Variants in SPECC1 observed in about 807,000 individuals in gnomAD.
SPECC1 encodes the protein sperm antigen with calponin homology and coiled-coil domains 1.
SPECC1 carries 62 observed loss-of-function variants against 104.1 expected under a neutral mutation model. That is an observed-to-expected ratio of 0.60 (90% CI 0.49 to 0.74). The LOEUF (loss-of-function observed/expected upper bound fraction) is 0.74. Among genes scored for constraint, SPECC1 ranks in the 30% least tolerant of loss-of-function variants. The probability of loss-of-function intolerance (pLI) is 0.00; values close to 1 mark genes in which losing one functional copy is unlikely to be tolerated. For synonymous variants in SPECC1, 513 were observed against 501.6 expected (o/e 1.02, Z -0.30); for missense variants, 1,306 against 1,310.5 (o/e 1.00, Z 0.05).
chr17:20,270,714 T>G (rs778669705), intron 12 of SPECC1, among the ~76,000 whole-genome samples: 2 of 152,220 alleles, frequency 1.3e-5, no homozygotes, highest in Non-Finnish European at 2.9e-5. Flanking sequence ...TGCCAAATTT[T>G]TGTAAAGTAA....
chr17:20,238,012 G>A (rs897769794), intron 7 of SPECC1: 7 of 1,018,044 alleles, frequency 6.9e-6, no homozygotes, highest in Non-Finnish European at 8.2e-6. Flanking sequence ...AAAGTGCTGG[G>A]ATTACAGGCT....
At chr17:20,163,094 A>G (rs1432880405) in intron 3 of SPECC1, among the ~76,000 whole-genome samples, 15 of 152,246 alleles carry the variant, frequency 9.9e-5, no homozygotes, top group Admixed American at 9.8e-4. Flanking sequence ...TAAAAAATCT[A>G]AGAAGGTCAA....
At chr17:20,226,528 ATTACTC>A (rs1162767307) in intron 4 of SPECC1, among the ~76,000 whole-genome samples, 4 of 152,220 alleles carry the variant, frequency 2.6e-5, no homozygotes, top group Non-Finnish European at 5.9e-5. Context: ...GATAATGCTT[ATTACTC>A]TCTGAGGTAG....
chr17:20,285,030 A>G (rs2040894091), intron 12 of SPECC1, among the ~76,000 whole-genome samples: 1 of 152,160 alleles, frequency 6.6e-6, no homozygotes, highest in African/African-American at 2.4e-5. Context: ...CAGCCACGGA[A>G]TCCAGCTGTG....
At chr17:20,071,624 T>C (rs2046557135) in intron 1 of SPECC1, among the ~76,000 whole-genome samples, 2 of 152,224 alleles carry the variant, frequency 1.3e-5, no homozygotes, top group South Asian at 4.1e-4. Context: ...AGTCTTCTTT[T>C]TTGTCATTCA....
intron 3 of SPECC1, among the ~76,000 whole-genome samples, chr17:20,131,039 A>G (rs1244732119): frequency 6.6e-6 from 1 of 152,222 alleles, no homozygotes; most frequent in Non-Finnish European, 1.5e-5. Context: ...TTGCTAGTAT[A>G]TTGAAATGCA....
chr17:20,226,678 T>C (rs2038227200), intron 4 of SPECC1, among the ~76,000 whole-genome samples: 1 of 152,224 alleles, frequency 6.6e-6, no homozygotes. Context: ...TTTAAAATGT[T>C]TAACAATTAA....
In SPECC1 at chr17:20,240,234, T is replaced by G. The variant is rs1052287910; in HGVS notation, c.2352-5692T>G. Among the ~76,000 whole-genome samples the G allele has an allele frequency of 2.6e-5, 4 of 151,770 alleles. No individual in the cohort carries two copies. In the South Asian group the frequency reaches 8.3e-4, roughly 32 times the overall value. ...GCCCAGCCCTTTCTAAGCACATCTTTGTATGTTTACTAACCACTGCATTTT... is the reference window on the plus strand; with the variant it reads ...GCCCAGCCCTTTCTAAGCACATCTTGGTATGTTTACTAACCACTGCATTTT... On this transcript the variant is annotated intron_variant, in intron 7 of 14. Coordinates refer to ENST00000395527, the MANE Select transcript of SPECC1 (RefSeq NM_001243439.2).
intron 12 of SPECC1, among the ~76,000 whole-genome samples, chr17:20,290,004 T>C (rs1292731173): frequency 6.6e-6 from 1 of 152,164 alleles, no homozygotes; most frequent in Non-Finnish European, 1.5e-5. Flanking sequence ...ATAATAATTC[T>C]TTTTTAAGAT....
In SPECC1 at chr17:20,175,267, C is replaced by T. The variant is rs189298440; in HGVS notation, c.284-29066C>T. ...CACTCATAAGTCATTTGCCCTAAGC[C>T]AGCACAGCACTTCGAATTCAGGCAG... On this transcript the variant is annotated intron_variant, in intron 3 of 14. Coordinates refer to ENST00000395527, the MANE Select transcript of SPECC1 (RefSeq NM_001243439.2). 2.5e-4 allele frequency among the ~76,000 whole-genome samples: 38 copies of T among 152,336 alleles called. 1 individual carries two copies. The East Asian group carries it at 6.9e-3, about 28-fold the overall frequency.
intron 12 of SPECC1, among the ~76,000 whole-genome samples, chr17:20,263,576 TAAG>T (rs1355830131): frequency 2.7e-5 from 4 of 150,848 alleles, no homozygotes; most frequent in African/African-American, 4.9e-5. Flanking sequence ...AAAAAAAGAA[TAAG>T]AAGTCAGAGG....
In SPECC1 at chr17:20,316,257, T is replaced by G. The variant is rs2042039185; in HGVS notation, c.*2192T>G. 8.6e-6 allele frequency: 2 copies of G among 231,612 alleles called. No homozygotes were observed. The highest frequency in any genetic ancestry group is 6.1e-5 in the East Asian group (1 of 16,412). The allele number at this position is 231,612 out of a possible 1,614,324, so 14.3% of individuals were successfully genotyped here. A position where few individuals can be genotyped will look rare whatever the true frequency, so the allele number is the denominator to read the frequency against. The stretch of plus-strand genomic sequence containing the variant: ...CAAGTAGTTGAGTTGAGCTGTTGGT[T>G]GTTAGATTTAAGCTGGAATTAGTCC... On this transcript the variant is annotated 3_prime_UTR_variant, in exon 15 of 15. Transcript: ENST00000395527.
chr17:20,315,562 ATCCT>A lies in SPECC1; in HGVS notation c.*1501_*1504del. ...GTTAGCGCCCCTCCAACAAAGGATC[ATCCT>A]TCCAGTGAGTCACCGAGAATGACAG... On this transcript the variant is annotated 3_prime_UTR_variant, in exon 15 of 15. Coordinates refer to ENST00000395527, the MANE Select transcript of SPECC1 (RefSeq NM_001243439.2). 4.3e-6 allele frequency: 1 copy of A among 232,928 alleles called. No homozygotes were observed. 14.4% of individuals were successfully genotyped at this position (232,928 alleles called of 1,614,324 possible). A position where few individuals can be genotyped will look rare whatever the true frequency, so the allele number is the denominator to read the frequency against.
At chr17:20,094,815 G>T (rs927909062) in intron 1 of SPECC1, among the ~76,000 whole-genome samples, 1 of 152,078 alleles carries the variant, frequency 6.6e-6, no homozygotes, top group East Asian at 1.9e-4. Flanking sequence ...GCCCAGGCTG[G>T]TCTCAAACTC....
chr17:20,168,692 G>C (rs1038937575), intron 3 of SPECC1, among the ~76,000 whole-genome samples: 5 of 152,162 alleles, frequency 3.3e-5, no homozygotes, highest in Admixed American at 3.3e-4. Context: ...GAGATCAACT[G>C]AAAAAGCATG....
chr17:20,251,928 C>G (rs2039648419), intron 9 of SPECC1, among the ~76,000 whole-genome samples: 1 of 152,120 alleles, frequency 6.6e-6, no homozygotes, highest in African/African-American at 2.4e-5. Flanking sequence ...CCATCTGTCC[C>G]CAGAGCCACT....
At chr17:20,206,633 A>G (rs766409503) in intron 4 of SPECC1, among the ~76,000 whole-genome samples, 6 of 152,178 alleles carry the variant, frequency 3.9e-5, no homozygotes, top group South Asian at 2.1e-4. Flanking sequence ...TGTATTGTCA[A>G]ACATTTGTGG....
At chr17:20,141,076 T>A (rs1217449261) in intron 3 of SPECC1, among the ~76,000 whole-genome samples, 2 of 152,060 alleles carry the variant, frequency 1.3e-5, no homozygotes. Context: ...TGCCCCCTTC[T>A]CTCCTCCTGC....
At chr17:20,291,212 G>T (rs1178378030) in intron 12 of SPECC1, among the ~76,000 whole-genome samples, 1 of 152,112 alleles carries the variant, frequency 6.6e-6, no homozygotes, top group African/African-American at 2.4e-5. Flanking sequence ...TGACAAGAAG[G>T]AATCAAAGTT....
Sources: gnomAD v4.1 joint callset for allele counts (sites outside exome capture counted in the v4.1 genomes callset) on GRCh38, gnomAD v4.1.1 for gene constraint, MANE v1.5 for transcripts, NCBI Gene and HGNC (gene_info 2026-07-23, HGNC 2026-07-21) for gene names.